Variants in SEMA5B observed in about 807,000 individuals in gnomAD.
SEMA5B encodes the protein semaphorin-5B.
A neutral mutation model predicts 135.0 loss-of-function variants in SEMA5B; 66 were observed. The ratio of observed to expected loss-of-function variants is 0.49; its 90% confidence interval spans 0.40 to 0.60. The LOEUF (loss-of-function observed/expected upper bound fraction) is 0.60, where lower values mean the gene tolerates loss of function less well. Ranked by LOEUF, SEMA5B falls within the 20% of genes least tolerant of loss-of-function variation. SEMA5B has a pLI of 0.00. For missense variants in SEMA5B, 1,501 were observed against 1,566.3 expected, an observed-to-expected ratio of 0.96 and a Z score of 0.70; for synonymous variants, 690 against 639.5, an observed-to-expected ratio of 1.08 and a Z score of -1.19.
chr3:122,911,465 C>A, intron 21 of SEMA5B, 26 bp downstream of exon 21: 1 of 1,600,042 alleles, frequency 6.2e-7, no homozygotes, highest in Admixed American at 1.8e-5. Context: ...AGGACCGCAG[C>A]ATGAGGTAGG....
At chr3:123,006,987 A>C (rs750148274) in intron 1 of SEMA5B, among the ~76,000 whole-genome samples, 3 of 152,230 alleles carry the variant, frequency 2.0e-5, no homozygotes, top group South Asian at 4.2e-4. Context: ...TAATTGGAAT[A>C]AAATATAAAG....
chr3:123,009,731 G>C (rs55975332), intron 1 of SEMA5B, among the ~76,000 whole-genome samples: 13,239 of 152,194 alleles, frequency 0.087, 1,747 homozygotes, highest in African/African-American at 0.29. Flanking sequence ...AGAAAATCAA[G>C]GATCTTCTTT....
At chr3:122,961,334 T>C (rs1160269813) in intron 1 of SEMA5B, 33 bp from the exon 2 acceptor site, 12 of 1,594,906 alleles carry the variant, frequency 7.5e-6, no homozygotes, top group Non-Finnish European at 1.0e-5. Flanking sequence ...AAGTCATGGA[T>C]ACATGATGAA....
At chr3:122,931,307 C>T (rs937987742) in intron 5 of SEMA5B, among the ~76,000 whole-genome samples, 12 of 152,130 alleles carry the variant, frequency 7.9e-5, no homozygotes, top group South Asian at 4.2e-4. Flanking sequence ...TACCCACCAC[C>T]GTTCTTCCCC....
chr3:122,931,886 T>C (rs1184532662), intron 5 of SEMA5B, among the ~76,000 whole-genome samples: 2 of 152,236 alleles, frequency 1.3e-5, no homozygotes, highest in Non-Finnish European at 2.9e-5. Flanking sequence ...AAATGGTTTG[T>C]GGACTGAAAC....
rs1487447672 is a variant in SEMA5B, at chr3:122,927,968, A to G, written c.672T>C (p.Asn224=). The G allele has an allele frequency of 6.5e-7, 1 of 1,537,670 alleles. No homozygotes were observed. Among genetic ancestry groups the G allele is most frequent in the East Asian group, 2.5e-5 (1 of 40,626 alleles). The change falls in exon 8 of 23, where the codon AAT becomes AAC. Residue 224 remains asparagine, a synonymous_variant. Transcript: ENST00000357599. The part of the protein sequence containing the change: ...GNLSRTIEKI[N]GVARCPYDPR... ...GGTCATAGGGGCAGCGGGCCACACCATTGATCTTCTCAATAGTCCGGCTGA... is the reference window on the plus strand; with the variant it reads ...GGTCATAGGGGCAGCGGGCCACACCGTTGATCTTCTCAATAGTCCGGCTGA...
chr3:122,918,936 G>A (rs961669929), intron 12 of SEMA5B, among the ~76,000 whole-genome samples: 2 of 151,546 alleles, frequency 1.3e-5, no homozygotes, highest in African/African-American at 4.9e-5. Context: ...GGAAATGGGT[G>A]GCAGTTTAGA....
chr3:123,005,018 T>A (rs533792503), intron 1 of SEMA5B, among the ~76,000 whole-genome samples: 3 of 152,188 alleles, frequency 2.0e-5, no homozygotes, highest in Admixed American at 2.0e-4. Context: ...AGAGGTTATC[T>A]CTTTTGCACC....
chr3:122,969,744 A>G (rs1576377214), intron 1 of SEMA5B, among the ~76,000 whole-genome samples: 1 of 152,284 alleles, frequency 6.6e-6, no homozygotes, highest in Middle Eastern at 3.4e-3. Context: ...ACGCAGGGAA[A>G]GTCACTGCTT....
chr3:123,017,470 T>C (rs1470842865), intron 1 of SEMA5B, among the ~76,000 whole-genome samples: 1 of 152,338 alleles, frequency 6.6e-6, no homozygotes, highest in East Asian at 1.9e-4. Flanking sequence ...TCCAAGGTTC[T>C]CTAGTGCTTC....
At chr3:122,960,486 G>A (rs1306134974) in intron 2 of SEMA5B, among the ~76,000 whole-genome samples, 1 of 152,184 alleles carries the variant, frequency 6.6e-6, no homozygotes, top group African/African-American at 2.4e-5. Flanking sequence ...ATACCCACAA[G>A]AACCAGAAGT....
At chr3:122,954,197 G>T (rs1243040834) in intron 2 of SEMA5B, among the ~76,000 whole-genome samples, 2 of 152,176 alleles carry the variant, frequency 1.3e-5, no homozygotes, top group African/African-American at 2.4e-5. Flanking sequence ...GGGATTACAG[G>T]CATGAGCCTC....
Position 122,913,694 on chromosome 3 carries a change from G to T in SEMA5B, c.2133-13C>A. 6.2e-7 allele frequency: 1 copy of T among 1,612,562 alleles called. No individual in the cohort carries two copies. The highest frequency in any genetic ancestry group is 1.1e-5 in the South Asian group (1 of 90,970). On this transcript the variant is annotated splice_polypyrimidine_tract_variant and intron_variant, in intron 15 of 22. Transcript: ENST00000357599. ...CTCATTACAGAACCTGGGGTCGGGG[G>T]AGAGGCGTCAATCCAGGGAGGGGGA... is the stretch of plus-strand genomic sequence containing the variant.
At chr3:123,000,062 G>A (rs545129600) in intron 1 of SEMA5B, among the ~76,000 whole-genome samples, 117 of 152,250 alleles carry the variant, frequency 7.7e-4, no homozygotes, top group African/African-American at 2.2e-3. Flanking sequence ...ACAAAAATTA[G>A]CTGGGCATGG....
At chr3:122,959,103 C>T (rs1045285991) in intron 2 of SEMA5B, among the ~76,000 whole-genome samples, 1 of 152,072 alleles carries the variant, frequency 6.6e-6, no homozygotes, top group Non-Finnish European at 1.5e-5. Context: ...GCAGGGAGCT[C>T]GCGGCAGAGA....
intron 2 of SEMA5B, among the ~76,000 whole-genome samples, chr3:122,952,976 T>C (rs1940125037): frequency 6.6e-6 from 1 of 152,212 alleles, no homozygotes; most frequent in Non-Finnish European, 1.5e-5. Flanking sequence ...TTATCCCATA[T>C]GGTTCCCAAA....
intron 12 of SEMA5B, among the ~76,000 whole-genome samples, chr3:122,920,658 G>A (rs563444944): frequency 2.0e-5 from 3 of 152,266 alleles, no homozygotes; most frequent in East Asian, 1.9e-4. Context: ...TGAGAGAGCC[G>A]AAGCTCAAAA....
chr3:123,005,920 A>G (rs1942298741), intron 1 of SEMA5B, among the ~76,000 whole-genome samples: 1 of 152,196 alleles, frequency 6.6e-6, no homozygotes, highest in Non-Finnish European at 1.5e-5. Flanking sequence ...GCCATTACCC[A>G]GAAGGCTCTT....
At chr3:122,986,669 A>G (rs983537142) in intron 1 of SEMA5B, among the ~76,000 whole-genome samples, 3 of 151,096 alleles carry the variant, frequency 2.0e-5, no homozygotes, top group Non-Finnish European at 4.4e-5. Context: ...CTGCAATGCA[A>G]ATGGTGGGTA....
Sources: gnomAD v4.1 joint callset for allele counts (sites outside exome capture counted in the v4.1 genomes callset) on GRCh38, gnomAD v4.1.1 for gene constraint, MANE v1.5 for transcripts, NCBI Gene and HGNC (gene_info 2026-07-23, HGNC 2026-07-21) for gene names.